The following BMX variants were observed in gnomAD, a reference collection of about 807,000 sequenced individuals.
The protein encoded by BMX is BMX non-receptor tyrosine kinase.
BMX carries 31 observed loss-of-function variants against 59.2 expected under a neutral mutation model. The observed-to-expected ratio is 0.52, with a 90% CI of 0.39 to 0.71. The LOEUF (loss-of-function observed/expected upper bound fraction) is 0.71, where lower values mean the gene tolerates loss of function less well. BMX is among the 30% of genes least tolerant of loss of function. The pLI is 0.00. For synonymous variants in BMX, 185 were observed against 181.0 expected, an observed-to-expected ratio of 1.02 and a Z score of -0.18; for missense variants, 474 against 491.7, an observed-to-expected ratio of 0.96 and a Z score of 0.34.
intron 1 of BMX, among the ~76,000 whole-genome samples, chrX:15,505,707 C>T (rs954790569): frequency 3.6e-5 from 4 of 111,271 alleles, no homozygotes; most frequent in Non-Finnish European, 5.7e-5. Context: ...GATGCAACAA[C>T]GCTTGTAAAC....
chrX:15,531,194 G>A (rs1318630066), intron 10 of BMX, 134 bp from the exon 11 acceptor site: 6 of 505,339 alleles, frequency 1.2e-5, no homozygotes, highest in Non-Finnish European at 2.0e-5. Context: ...AAGAGATTGA[G>A]TGAGAAACCT....
At chrX:15,536,225 G>A (rs942565321) in intron 12 of BMX, 128 bp from the exon 13 acceptor site, 25 of 593,359 alleles carry the variant, frequency 4.2e-5, no homozygotes, top group Non-Finnish European at 5.8e-5. Context: ...TTCTCTCTCT[G>A]CATTACAACA....
chrX:15,549,687 C>G (rs1926101989), intron 17 of BMX, among the ~76,000 whole-genome samples, 153 bp from the exon 18 acceptor site: 1 of 112,248 alleles, frequency 8.9e-6, no homozygotes, highest in Non-Finnish European at 1.9e-5. Flanking sequence ...CTTCCAAGCT[C>G]TGCTCATTTC....
At chrX:15,523,220 C>T (rs1289265876) in intron 7 of BMX, among the ~76,000 whole-genome samples, 2 of 112,050 alleles carry the variant, frequency 1.8e-5, no homozygotes, top group Non-Finnish European at 3.8e-5. Flanking sequence ...GACTCCCCTT[C>T]CTTATTTCCT....
At position 15,527,279 on chromosome X, in the gene BMX, T is replaced by C. The variant is rs1318102509; in HGVS notation, c.884+1184T>C. Among the ~76,000 whole-genome samples, 171 of 53,004 alleles carry C rather than the reference T, an allele frequency of 3.2e-3. 1 individual carries two copies. Among genetic ancestry groups the C allele is most frequent in the African/African-American group, 0.012 (144 of 12,346 alleles). 46.0% of individuals were successfully genotyped at this position (53,004 alleles called of 115,157 possible). A position where few individuals can be genotyped will look rare whatever the true frequency, so the allele number is the denominator to read the frequency against. On this transcript the variant is annotated intron_variant, in intron 9 of 18. Coordinates refer to ENST00000348343, the MANE Select transcript of BMX (RefSeq NM_203281.3). ...ATATATATATATATATATATATATA[T>C]ATATACACACACACACACACACATA...
chrX:15,543,106 T>A lies in BMX; in HGVS notation c.1647T>A (p.Cys549Ter). The A allele has an allele frequency of 8.3e-7, 1 of 1,208,677 alleles. No homozygotes were observed. Among genetic ancestry groups the A allele is most frequent in the Non-Finnish European group, 1.1e-6 (1 of 893,854 alleles). Reference protein sequence around the residue: ...ARNCLVDRDLCVKVSDFGMTR... With the variant: ...ARNCLVDRDL ...ACTGCTTGGTGGACAGAGATCTCTG[T>A]GTGAAAGTATCTGACTTTGGAATGA... The change falls in exon 16 of 19, where the codon TGT (cysteine) becomes TGA (stop). Residue 549 changes from cysteine (C) to a stop codon, truncating the protein, a stop_gained. Coordinates refer to ENST00000348343, the MANE Select transcript of BMX (RefSeq NM_203281.3). LOFTEE classifies it high-confidence loss of function.
intron 6 of BMX, among the ~76,000 whole-genome samples, chrX:15,520,003 C>T (rs1569222027): frequency 9.0e-6 from 1 of 111,462 alleles, no homozygotes; most frequent in African/African-American, 3.3e-5. Flanking sequence ...TTGGAGGGGT[C>T]GAATATCCAA....
chrX:15,533,694 G>T (rs959955691), intron 11 of BMX, among the ~76,000 whole-genome samples: 1 of 111,448 alleles, frequency 9.0e-6, no homozygotes, highest in Admixed American at 9.6e-5. Context: ...TTTATGTGGA[G>T]AAGGTACAAG....
chrX:15,509,435 T>C lies in BMX; in HGVS notation c.243+2T>C. ...GTAGAGAGACAGTACCCATTTCAGG[T>C]AAAGGGAAGAACGACATTGCATTGG... is the stretch of plus-strand genomic sequence containing the variant. On this transcript the variant is annotated splice_donor_variant, in intron 3 of 18. Coordinates refer to ENST00000348343, the MANE Select transcript of BMX (RefSeq NM_203281.3). LOFTEE classifies it high-confidence loss of function. 8.5e-7 allele frequency: 1 copy of C among 1,173,360 alleles called. No individual in the cohort carries two copies. Among genetic ancestry groups the C allele is most frequent in the Non-Finnish European group, 1.2e-6 (1 of 865,363 alleles).
chrX:15,524,856 C>A (rs764999842), intron 7 of BMX, among the ~76,000 whole-genome samples: 2 of 111,919 alleles, frequency 1.8e-5, no homozygotes, highest in Non-Finnish European at 3.8e-5. Context: ...TCCTCCTTAT[C>A]CATCTGTGTC....
intron 10 of BMX, among the ~76,000 whole-genome samples, chrX:15,530,908 C>G (rs1390938369): frequency 8.9e-6 from 1 of 111,844 alleles, no homozygotes; most frequent in Admixed American, 9.5e-5. Context: ...TTATAATCTG[C>G]TCTTTCTGAA....
rs1925064500 is a variant in BMX, at chrX:15,531,389, T to C, written c.1001T>C (p.Leu334Ser). ...SSQVGMYTVS[L>S]FSKAVNDKKG... ...CAAGTGGGAATGTACACAGTGTCCT[T>C]ATTTAGTAAGGCTGTGAAGTAAGTA... The change falls in exon 11 of 19, where the codon TTA becomes TCA. Residue 334 changes from leucine (L) to serine (S), a missense_variant. Transcript: ENST00000348343. 2 of 1,204,500 alleles carry C rather than the reference T, an allele frequency of 1.7e-6. No homozygotes were observed. Among genetic ancestry groups the C allele is most frequent in the African/African-American group, 3.5e-5 (2 of 57,718 alleles).
chrX:15,538,597 A>C (rs1024911720), intron 14 of BMX, among the ~76,000 whole-genome samples: 2 of 111,977 alleles, frequency 1.8e-5, no homozygotes, highest in Non-Finnish European at 3.8e-5. Flanking sequence ...CCCCATAAGA[A>C]ACCTATGAGG....
At chrX:15,511,321 A>T (rs1325828556) in intron 3 of BMX, 116 bp from the exon 4 acceptor site, 5 of 511,408 alleles carry the variant, frequency 9.8e-6, no homozygotes, top group Middle Eastern at 6.0e-4. Flanking sequence ...TCCAGAGCTG[A>T]TGTATACTGT....
At chrX:15,502,292 GA>G (rs1445648715) in intron 1 of BMX, among the ~76,000 whole-genome samples, 1 of 112,069 alleles carries the variant, frequency 8.9e-6, no homozygotes, top group African/African-American at 3.2e-5. Context: ...TTCAGCATGA[GA>G]TGCTAGCTCA....
Position 15,551,444 on chromosome X carries a change from T to C in BMX, c.1953+1447T>C, listed in dbSNP as rs193157750. 1.1e-4 allele frequency among the ~76,000 whole-genome samples: 12 copies of C among 110,671 alleles called. No individual in the cohort carries two copies. In the East Asian group the frequency reaches 3.1e-3, roughly 29 times the overall value. ...TTACCTCATAGAATTTTTGGGTGGA[T>C]TGAATGAATTAGCATTATAAAGGCC... On this transcript the variant is annotated intron_variant, in intron 18 of 18. Coordinates refer to ENST00000348343, the MANE Select transcript of BMX (RefSeq NM_203281.3).
chrX:15,520,339 A>G (rs1924384596), intron 6 of BMX, among the ~76,000 whole-genome samples: 2 of 112,158 alleles, frequency 1.8e-5, no homozygotes, highest in African/African-American at 3.2e-5. Flanking sequence ...AGGCAAATCT[A>G]TAGAAACAAA....
At chrX:15,548,070 A>G (rs1251818389) in intron 17 of BMX, among the ~76,000 whole-genome samples, 1 of 112,649 alleles carries the variant, frequency 8.9e-6, no homozygotes, top group Non-Finnish European at 1.9e-5. Context: ...ATAATCAAAT[A>G]CACACAGAAA....
chrX:15,533,957 T>G (rs1187295151), intron 11 of BMX, among the ~76,000 whole-genome samples: 2 of 111,685 alleles, frequency 1.8e-5, no homozygotes, highest in Non-Finnish European at 3.8e-5. Flanking sequence ...CCTGGAAAGT[T>G]GGAATTTTAC....
Sources: gnomAD v4.1 joint callset for allele counts (sites outside exome capture counted in the v4.1 genomes callset) on GRCh38, gnomAD v4.1.1 for gene constraint, MANE v1.5 for transcripts, NCBI Gene and HGNC (gene_info 2026-07-23, HGNC 2026-07-21) for gene names.